DOK5: variants seen among roughly 807,000 people sequenced by gnomAD.
DOK5 encodes docking protein 5, also known as downstream of tyrosine kinase 5.
DOK5 carries 27 observed loss-of-function variants against 43.3 expected under a neutral mutation model. The ratio of observed to expected loss-of-function variants is 0.62; its 90% CI spans 0.46 to 0.86. DOK5 has a LOEUF of 0.86. Among genes scored for constraint, DOK5 ranks in the 40% least tolerant of loss-of-function variants. The pLI is 0.00. For missense variants in DOK5, 373 were observed against 392.9 expected (o/e 0.95, Z 0.43); for synonymous variants, 146 against 140.1 (o/e 1.04, Z -0.30).
intron 1 of DOK5, among the ~76,000 whole-genome samples, chr20:54,484,618 C>T (rs1204917998): frequency 3.3e-5 from 5 of 152,212 alleles, no homozygotes; most frequent in Non-Finnish European, 7.3e-5. Flanking sequence ...CCTTCACAGT[C>T]TTCTTATATA....
rs78332854 is a variant in DOK5 at position 54,628,631 on chromosome 20, C to G, written c.736-14827C>G. Among the ~76,000 whole-genome samples the G allele has an allele frequency of 7.7e-3, 1,165 of 152,016 alleles. 7 individuals are homozygous for G. The highest frequency in any genetic ancestry group is 0.027 in the African/African-American group (1,110 of 41,432). ...GTTCAATAACATCTGCATCTCTGTTCCAGAGGAACTGGTTACTGCCACTTA... is the reference window on the plus strand; with the variant it reads ...GTTCAATAACATCTGCATCTCTGTTGCAGAGGAACTGGTTACTGCCACTTA... On this transcript the variant is annotated intron_variant, in intron 6 of 7. Coordinates refer to ENST00000262593, the MANE Select transcript of DOK5 (RefSeq NM_018431.5).
At chr20:54,555,241 A>T in intron 2 of DOK5, 1 of 529,698 alleles carries the variant, frequency 1.9e-6, no homozygotes, top group Non-Finnish European at 3.4e-6. Flanking sequence ...GTTTCCTGCT[A>T]TTTGCTGTAG....
At chr20:54,584,684 G>T (rs184812131) in intron 2 of DOK5, among the ~76,000 whole-genome samples, 1 of 149,000 alleles carries the variant, frequency 6.7e-6, no homozygotes, top group Non-Finnish European at 1.5e-5. Context: ...GTATGTGTGT[G>T]TATATATATA....
At chr20:54,612,817 C>T (rs1445230478) in intron 6 of DOK5, among the ~76,000 whole-genome samples, 1 of 152,196 alleles carries the variant, frequency 6.6e-6, no homozygotes, top group African/African-American at 2.4e-5. Flanking sequence ...TGTTCAAGAT[C>T]ATGGCCCGTG....
chr20:54,545,037 G>A (rs757352662), intron 1 of DOK5, among the ~76,000 whole-genome samples: 1 of 152,194 alleles, frequency 6.6e-6, no homozygotes, highest in Non-Finnish European at 1.5e-5. Flanking sequence ...CTGAAGAAAA[G>A]TGATTATCAT....
At chr20:54,599,669 T>C (rs1447172114) in intron 5 of DOK5, among the ~76,000 whole-genome samples, 1 of 152,222 alleles carries the variant, frequency 6.6e-6, no homozygotes, top group African/African-American at 2.4e-5. Context: ...GAGGCAAAAT[T>C]AGGCACTCAG....
At chr20:54,579,833 C>A (rs1489136787) in intron 2 of DOK5, among the ~76,000 whole-genome samples, 1 of 151,582 alleles carries the variant, frequency 6.6e-6, no homozygotes, top group Non-Finnish European at 1.5e-5. Context: ...GCAGAATGTG[C>A]AGTTTTGTTA....
intron 1 of DOK5, among the ~76,000 whole-genome samples, chr20:54,512,656 TG>T (rs1299560499): frequency 6.6e-6 from 1 of 152,220 alleles, no homozygotes; most frequent in Non-Finnish European, 1.5e-5. Context: ...TGTTGTACTT[TG>T]CTTTACTCTT....
intron 2 of DOK5, among the ~76,000 whole-genome samples, chr20:54,587,159 G>T (rs1437099303): frequency 6.6e-6 from 1 of 152,168 alleles, no homozygotes; most frequent in Non-Finnish European, 1.5e-5. Context: ...AGTTGTATCT[G>T]GTGAGTCCTG....
chr20:54,613,337 A>G (rs926371575), intron 6 of DOK5, among the ~76,000 whole-genome samples: 7 of 152,158 alleles, frequency 4.6e-5, no homozygotes, highest in Non-Finnish European at 1.0e-4. Context: ...GATATAATTT[A>G]ATAGATTTTA....
chr20:54,500,385 T>G (rs1331255434), intron 1 of DOK5, among the ~76,000 whole-genome samples: 1 of 152,162 alleles, frequency 6.6e-6, no homozygotes, highest in Admixed American at 6.6e-5. Context: ...TTCTTTTTAT[T>G]GTCATTGTTT....
At chr20:54,581,155 T>C (rs1600715660) in intron 2 of DOK5, among the ~76,000 whole-genome samples, 1 of 152,132 alleles carries the variant, frequency 6.6e-6, no homozygotes, top group Non-Finnish European at 1.5e-5. Flanking sequence ...TTGTATAAAC[T>C]TGGCACCCTT....
chr20:54,561,914 T>C (rs1338768896), intron 2 of DOK5, among the ~76,000 whole-genome samples: 1 of 152,082 alleles, frequency 6.6e-6, no homozygotes, highest in Non-Finnish European at 1.5e-5. Context: ...ACCTCGGCCT[T>C]CCAAAGTGCT....
intron 2 of DOK5, among the ~76,000 whole-genome samples, chr20:54,579,217 T>C (rs1288568920): frequency 6.6e-6 from 1 of 152,210 alleles, no homozygotes; most frequent in Admixed American, 6.5e-5. Context: ...AGAAAACTTT[T>C]CTTATTACCA....
At chr20:54,631,801 G>A (rs1423059396) in intron 6 of DOK5, among the ~76,000 whole-genome samples, 4 of 151,874 alleles carry the variant, frequency 2.6e-5, no homozygotes, top group South Asian at 2.1e-4. Context: ...GTGAAACCCC[G>A]CCTGTAGTAA....
At chr20:54,631,737 G>T (rs1268207988) in intron 6 of DOK5, among the ~76,000 whole-genome samples, 1 of 152,134 alleles carries the variant, frequency 6.6e-6, no homozygotes, top group Admixed American at 6.5e-5. Flanking sequence ...ACTTTGGGAG[G>T]CCGAGGTGGG....
intron 5 of DOK5, among the ~76,000 whole-genome samples, chr20:54,604,551 T>C (rs1229991): frequency 8.9e-4 from 135 of 152,336 alleles, no homozygotes; most frequent in Non-Finnish European, 1.3e-3. Flanking sequence ...AGAGAAAGCC[T>C]ATGTTTACAT....
chr20:54,574,753 T>A (rs907720532), intron 2 of DOK5, among the ~76,000 whole-genome samples: 3 of 152,080 alleles, frequency 2.0e-5, no homozygotes, highest in Non-Finnish European at 4.4e-5. Context: ...GGAGGACAAA[T>A]TGGGGGATTA....
At chr20:54,643,419 A>G (rs775536922) in intron 6 of DOK5, 39 bp from the exon 7 acceptor site, 4 of 1,608,532 alleles carry the variant, frequency 2.5e-6, no homozygotes, top group Non-Finnish European at 3.4e-6. Context: ...TTTCGGCCCC[A>G]GTGTTGCTGA....
Sources: gnomAD v4.1 joint callset for allele counts (sites outside exome capture counted in the v4.1 genomes callset) on GRCh38, gnomAD v4.1.1 for gene constraint, MANE v1.5 for transcripts, NCBI Gene and HGNC (gene_info 2026-07-23, HGNC 2026-07-21) for gene names.